HDAC9: variants seen among roughly 807,000 people sequenced by gnomAD.
The protein encoded by HDAC9 is histone deacetylase 9.
In HDAC9, 41 loss-of-function variants were observed where a neutral mutation model predicts 139.4. That is an observed-to-expected ratio of 0.29 (90% CI 0.23 to 0.38). The LOEUF is 0.38. Among genes scored for constraint, HDAC9 ranks in the 10% least tolerant of loss-of-function variants. The pLI is 1.00. For synonymous variants in HDAC9, 517 were observed against 476.2 expected (o/e 1.09, Z -1.12); for missense variants, 1,147 against 1,297.0 (o/e 0.88, Z 1.78).
At chr7:18,267,308 G>A (rs1796067768) in intron 2 of HDAC9, among the ~76,000 whole-genome samples, 1 of 151,938 alleles carries the variant, frequency 6.6e-6, no homozygotes, top group Non-Finnish European at 1.5e-5. Flanking sequence ...AGAACACTTA[G>A]GAATATTTCT....
At chr7:18,463,453 T>G (rs912574206) in intron 1 of HDAC9, among the ~76,000 whole-genome samples, 2 of 151,978 alleles carry the variant, frequency 1.3e-5, no homozygotes, top group Non-Finnish European at 2.9e-5. Flanking sequence ...TTTACTTATA[T>G]GTCAGTTGTG....
At chr7:18,272,287 A>C (rs906956392) in intron 2 of HDAC9, among the ~76,000 whole-genome samples, 3 of 152,180 alleles carry the variant, frequency 2.0e-5, no homozygotes, top group African/African-American at 7.2e-5. Flanking sequence ...TCCTGAATGT[A>C]TTTAGACCTT....
At chr7:18,127,239 C>T (rs917752951) in intron 1 of HDAC9, 2 of 169,744 alleles carry the variant, frequency 1.2e-5, no homozygotes, top group African/African-American at 2.4e-5. Context: ...ACTTTTTTAG[C>T]ATAAGTATGT....
rs948945899 is a variant in HDAC9, at chr7:18,515,855, G to T, written c.22+19531G>T. Among the ~76,000 whole-genome samples, 40 of 152,132 alleles carry T rather than the reference G, an allele frequency of 2.6e-4. 1 individual carries two copies. The highest frequency in any genetic ancestry group is 1.5e-4 in the Non-Finnish European group (10 of 68,020). On this transcript the variant is annotated intron_variant, in intron 2 of 25. Transcript: ENST00000686413. ...ATTTACAGCAGCTGATATTTCAAGTGCACATGTGCGTTTGCACTTTAAATG... is the reference window on the plus strand; with the variant it reads ...ATTTACAGCAGCTGATATTTCAAGTTCACATGTGCGTTTGCACTTTAAATG...
chr7:18,694,029 T>C (rs1163325896), intron 12 of HDAC9, among the ~76,000 whole-genome samples: 1 of 152,172 alleles, frequency 6.6e-6, no homozygotes, highest in Non-Finnish European at 1.5e-5. Context: ...ACATCTTGAA[T>C]TGCTAGTACA....
upstream of HDAC9, among the ~76,000 whole-genome samples, chr7:18,285,904 G>A (rs1158038850): frequency 6.6e-6 from 1 of 151,978 alleles, no homozygotes; most frequent in Non-Finnish European, 1.5e-5. Context: ...CTAAATTTGG[G>A]ATGCATCTCA....
At chr7:18,158,124 T>C (rs113357423) in intron 1 of HDAC9, among the ~76,000 whole-genome samples, 6 of 152,314 alleles carry the variant, frequency 3.9e-5, no homozygotes, top group African/African-American at 1.4e-4. Context: ...ACATAGACTA[T>C]AAAAGCGTTC....
chr7:18,860,148 G>C (rs1488604120), intron 21 of HDAC9, among the ~76,000 whole-genome samples: 1 of 151,634 alleles, frequency 6.6e-6, no homozygotes, highest in Non-Finnish European at 1.5e-5. Context: ...TTTGGATAAA[G>C]AAAGTAATAA....
chr7:18,650,413 C>T (rs1002840520), intron 11 of HDAC9, among the ~76,000 whole-genome samples: 14 of 152,188 alleles, frequency 9.2e-5, no homozygotes, highest in African/African-American at 3.1e-4. Flanking sequence ...GTAAATTACT[C>T]ACTTTGAAAT....
intron 2 of HDAC9, among the ~76,000 whole-genome samples, chr7:18,255,364 G>C (rs1795164153): frequency 6.6e-6 from 1 of 152,156 alleles, no homozygotes. Context: ...TCATGAGGAA[G>C]GAAGTTTTTC....
At chr7:18,528,761 TATTATGG>T (rs1440296899) in intron 2 of HDAC9, among the ~76,000 whole-genome samples, 3 of 152,190 alleles carry the variant, frequency 2.0e-5, no homozygotes, top group African/African-American at 7.2e-5. Flanking sequence ...GCATGGGACT[TATTATGG>T]AATATAGTTG....
chr7:18,396,082 CCCTTCCCTTCCCT>C (rs1787009657), intron 1 of HDAC9, among the ~76,000 whole-genome samples: 1 of 95,532 alleles, frequency 1.0e-5, no homozygotes, highest in Non-Finnish European at 2.2e-5. Flanking sequence ...AAGTGTCATT[CCCTTCCCTTCCCT>C]TCCCTTCCCT....
chr7:18,377,453 A>G (rs1316685554), intron 1 of HDAC9, among the ~76,000 whole-genome samples: 4 of 152,198 alleles, frequency 2.6e-5, no homozygotes, highest in Non-Finnish European at 5.9e-5. Context: ...TTTATTAACC[A>G]TATTAACTAC....
chr7:18,956,710 G>T (rs1422489864), intron 24 of HDAC9, among the ~76,000 whole-genome samples: 1 of 152,106 alleles, frequency 6.6e-6, no homozygotes, highest in Non-Finnish European at 1.5e-5. Context: ...GTGCAACTCA[G>T]GGGGAAGTTC....
At chr7:18,700,761 C>T (rs1783411474) in intron 12 of HDAC9, among the ~76,000 whole-genome samples, 1 of 152,322 alleles carries the variant, frequency 6.6e-6, no homozygotes, top group East Asian at 1.9e-4. Context: ...ACATGGTTGT[C>T]ATCTCCAGGA....
intron 17 of HDAC9, chr7:18,807,982 T>C (rs1419515213): frequency 6.6e-6 from 1 of 152,212 alleles, no homozygotes; most frequent in Non-Finnish European, 1.5e-5. Context: ...TTCTTATTGA[T>C]TCTTTTTTTG....
intron 1 of HDAC9, among the ~76,000 whole-genome samples, chr7:18,485,428 CTT>C (rs1795902084): frequency 6.6e-6 from 1 of 150,504 alleles, no homozygotes; most frequent in Admixed American, 6.6e-5. Context: ...TCCATTCTAA[CTT>C]TTCATATTTA....
chr7:18,758,651 A>G (rs1294017114), intron 14 of HDAC9, among the ~76,000 whole-genome samples: 2 of 152,322 alleles, frequency 1.3e-5, no homozygotes, highest in African/African-American at 2.4e-5. Flanking sequence ...AGGAGATCCT[A>G]TGTGTTAAGG....
At position 18,993,864 on chromosome 7, in the gene HDAC9, A is replaced by G. The variant is rs565032099; in HGVS notation, c.3171-2159A>G. On this transcript the variant is annotated intron_variant, in intron 25 of 25. Coordinates refer to ENST00000686413, the MANE Select transcript of HDAC9 (RefSeq NM_178425.4). ...ATTGGTTAATTATGCATATGTGTAG[A>G]TGGTTCAATAGAAGGTGGGCAGCTA... 2.0e-5 allele frequency among the ~76,000 whole-genome samples: 3 copies of G among 152,236 alleles called. No homozygotes were observed. The East Asian group carries it at 5.8e-4, about 29-fold the overall frequency.
Sources: allele counts gnomAD v4.1 joint callset (sites outside exome capture counted in the v4.1 genomes callset), GRCh38; gene constraint gnomAD v4.1.1; transcripts MANE v1.5; gene names NCBI Gene and HGNC (gene_info 2026-07-23, HGNC 2026-07-21).